The following USH2A variants were observed in gnomAD, a reference collection of about 807,000 sequenced individuals.
The protein encoded by USH2A is Usher syndrome 2A (autosomal recessive, mild).
Under a neutral mutation model 538.9 loss-of-function variants are expected in USH2A, and 443 were observed. The ratio of observed to expected loss-of-function variants is 0.82; its 90% CI spans 0.76 to 0.89. The LOEUF (loss-of-function observed/expected upper bound fraction) is 0.89. USH2A is among the 40% of genes least tolerant of loss of function. The pLI is 0.00. For synonymous variants in USH2A, 2,413 were observed against 2,273.5 expected (o/e 1.06, Z -1.75); for missense variants, 6,633 against 6,324.8 (o/e 1.05, Z -1.65).
rs1379049807 is a variant in USH2A at position 215,836,542 on chromosome 1, A to ATT, written c.9371+1448_9371+1449insAA. 8.4e-4 allele frequency among the ~76,000 whole-genome samples: 15 copies of ATT among 17,774 alleles called. 1 individual carries two copies. The East Asian group carries it at 0.12, about 137-fold the overall frequency. 11.7% of individuals were successfully genotyped at this position (17,774 alleles called of 152,430 possible). A position where few individuals can be genotyped will look rare whatever the true frequency, so the allele number is the denominator to read the frequency against. On this transcript the variant is annotated intron_variant, in intron 47 of 71. Coordinates refer to ENST00000307340, the MANE Select transcript of USH2A (RefSeq NM_206933.4). ...TAATATATATTATATATATATATAT[A>ATT]ATATATATATATATATATATATATT...
At chr1:216,251,442 C>CCTTT (rs1553321310) in intron 11 of USH2A, among the ~76,000 whole-genome samples, 1 of 80,338 alleles carries the variant, frequency 1.2e-5, no homozygotes. Context: ...ACCACTTCCC[C>CCTTT]TTTTTTTTTT....
intron 9 of USH2A, among the ~76,000 whole-genome samples, chr1:216,320,553 G>A (rs1384444470): frequency 6.6e-6 from 1 of 152,040 alleles, no homozygotes; most frequent in Non-Finnish European, 1.5e-5. Flanking sequence ...CAAAACTATT[G>A]TGTCAATTGG....
At chr1:216,418,245 A>C (rs2039609145) in intron 3 of USH2A, among the ~76,000 whole-genome samples, 1 of 152,038 alleles carries the variant, frequency 6.6e-6, no homozygotes, top group African/African-American at 2.4e-5. Flanking sequence ...AGAAAACAAA[A>C]ATTTTCTGAG....
intron 37 of USH2A, 69 bp downstream of exon 37, chr1:215,965,248 G>T: frequency 6.6e-7 from 1 of 1,518,790 alleles, no homozygotes; most frequent in East Asian, 2.3e-5. Flanking sequence ...TTAGCCAAAA[G>T]AAAGATTTTA....
At chr1:216,253,247 C>T (rs1342983343) in intron 11 of USH2A, among the ~76,000 whole-genome samples, 4 of 150,768 alleles carry the variant, frequency 2.7e-5, no homozygotes, top group South Asian at 4.2e-4. Context: ...GGTGCGATCT[C>T]GGCTCACTGC....
chr1:215,741,850 A>G (rs2102726110), intron 59 of USH2A, among the ~76,000 whole-genome samples: 1 of 152,348 alleles, frequency 6.6e-6, no homozygotes, highest in South Asian at 2.1e-4. Flanking sequence ...TTCTAACCAG[A>G]AAGTGATAAT....
intron 61 of USH2A, among the ~76,000 whole-genome samples, chr1:215,722,119 A>C (rs1302903853): frequency 2.0e-5 from 3 of 151,142 alleles, no homozygotes; most frequent in Admixed American, 6.6e-5. Context: ...GTTTTGTGTG[A>C]TATTTACTCA....
rs2032535448 is a variant in USH2A, at chr1:216,099,850, T to C, written c.4628-2637A>G. On this transcript the variant is annotated intron_variant, in intron 21 of 71. Coordinates refer to ENST00000307340, the MANE Select transcript of USH2A (RefSeq NM_206933.4). ...AGTTTTAGGCATACTGAACTTATGA[T>C]GCAGAAAACTCTGCCTGCCATTTGG... Among the ~76,000 whole-genome samples the C allele has an allele frequency of 2.0e-5, 3 of 152,182 alleles. No homozygotes were observed. The South Asian group carries it at 6.2e-4, about 31-fold the overall frequency.
chr1:215,721,906 A>G (rs779627959), intron 61 of USH2A, among the ~76,000 whole-genome samples: 2 of 152,048 alleles, frequency 1.3e-5, no homozygotes, highest in Admixed American at 6.5e-5. Context: ...TCTACAAAAA[A>G]TTTAAAAAAT....
At position 215,951,853 on chromosome 1, in the gene USH2A, A is replaced by ATTTTTAT. The variant is rs751037164; in HGVS notation, c.7120+13463_7120+13464insATAAAAA. Among the ~76,000 whole-genome samples the ATTTTTAT allele has an allele frequency of 9.3e-3, 1,394 of 149,572 alleles. 32 individuals are homozygous for ATTTTTAT. The highest frequency in any genetic ancestry group is 0.032 in the African/African-American group (1,313 of 40,578). ...TGATCTTTGTTGGTTTATTTTTTTT[A>ATTTTTAT]TTTTTTATTTTTTTTATTTTTTGAG... On this transcript the variant is annotated intron_variant, in intron 37 of 71. Transcript: ENST00000307340.
At chr1:215,668,892 T>C (rs1311875942) in intron 64 of USH2A, among the ~76,000 whole-genome samples, 1 of 152,042 alleles carries the variant, frequency 6.6e-6, no homozygotes, top group Non-Finnish European at 1.5e-5. Context: ...AACATTAGCC[T>C]GGTGTGGTGG....
At position 216,070,024 on chromosome 1, in the gene USH2A, T is replaced by C; in HGVS notation, c.6049+77A>G. The C allele has an allele frequency of 2.0e-6, 3 of 1,528,086 alleles. No homozygotes were observed. The Admixed American group carries it at 5.5e-5, about 28-fold the overall frequency. 94.7% of individuals were successfully genotyped at this position (1,528,086 alleles called of 1,614,324 possible). Reference sequence around the variant, plus strand: ...ATTTAATACATTTTTCTAAAAAACATTTGCAGAAGATTTTTATTTAAAATG... The same window carrying C: ...ATTTAATACATTTTTCTAAAAAACACTTGCAGAAGATTTTTATTTAAAATG... On this transcript the variant is annotated intron_variant, in intron 30 of 71. Coordinates refer to ENST00000307340, the MANE Select transcript of USH2A (RefSeq NM_206933.4).
In USH2A at chr1:215,888,840, G is replaced by T; in HGVS notation, c.7809C>A (p.Cys2603Ter). Reference protein sequence around the residue: ...YTAYKFQVEACTSKGCSLSPE... With the variant: ...YTAYKFQVEA Reference sequence around the variant, plus strand: ...GTGAAAGGGAACATCCTTTTGAAGTGCAGGCTTCTACCTGAAACTTATAGG... The same window carrying T: ...GTGAAAGGGAACATCCTTTTGAAGTTCAGGCTTCTACCTGAAACTTATAGG... The change falls in exon 41 of 72, where the codon TGC (cysteine) becomes TGA (stop). Residue 2603 changes from cysteine (C) to a stop codon, truncating the protein, a stop_gained. Coordinates refer to ENST00000307340, the MANE Select transcript of USH2A (RefSeq NM_206933.4). LOFTEE classifies it high-confidence loss of function. 2 of 1,614,142 alleles carry T rather than the reference G, an allele frequency of 1.2e-6. No individual in the cohort carries two copies. Among genetic ancestry groups the T allele is most frequent in the Admixed American group, 1.7e-5 (1 of 60,024 alleles).
intron 30 of USH2A, among the ~76,000 whole-genome samples, chr1:216,052,491 G>A (rs1463703843): frequency 6.6e-6 from 1 of 152,104 alleles, no homozygotes; most frequent in Non-Finnish European, 1.5e-5. Context: ...CATTTTCTAA[G>A]GCTGGAGTGC....
intron 32 of USH2A, among the ~76,000 whole-genome samples, chr1:216,037,654 A>T (rs1321402564): frequency 6.6e-6 from 1 of 152,020 alleles, no homozygotes; most frequent in Non-Finnish European, 1.5e-5. Flanking sequence ...CAGTTTTGGC[A>T]CCCACTAAGT....
chr1:215,893,841 T>C lies in USH2A; in HGVS notation c.7595-4787A>G, dbSNP rs531906245. ...ATCCATCCTTTCAAAGGATTCCGTATTGGTCATTTTTGGCTTGAATAAGTT... is the reference window on the plus strand; with the variant it reads ...ATCCATCCTTTCAAAGGATTCCGTACTGGTCATTTTTGGCTTGAATAAGTT... On this transcript the variant is annotated intron_variant, in intron 40 of 71. Transcript: ENST00000307340. Among the ~76,000 whole-genome samples, 6 of 152,314 alleles carry C rather than the reference T, an allele frequency of 3.9e-5. No individual in the cohort carries two copies. The East Asian group carries it at 1.2e-3, about 29-fold the overall frequency.
rs76096116 is a variant in USH2A at position 216,036,508 on chromosome 1, A to C, written c.6325+9923T>G. ...ACGAATTAGACTCAAATATGTGTAA[A>C]ATATTTGTTGTTATTATCTTTCCAA... On this transcript the variant is annotated intron_variant, in intron 32 of 71. Coordinates refer to ENST00000307340, the MANE Select transcript of USH2A (RefSeq NM_206933.4). Among the ~76,000 whole-genome samples the C allele has an allele frequency of 7.4e-4, 113 of 152,250 alleles. 1 individual carries two copies. In the East Asian group the frequency reaches 0.021, roughly 29 times the overall value.
At chr1:216,260,692 C>G (rs541821036) in intron 11 of USH2A, among the ~76,000 whole-genome samples, 8 of 152,106 alleles carry the variant, frequency 5.3e-5, no homozygotes, top group Non-Finnish European at 7.4e-5. Context: ...CCAAACTAAT[C>G]CTACTCCACA....
At chr1:215,757,414 A>G (rs1660845408) in intron 58 of USH2A, among the ~76,000 whole-genome samples, 4 of 152,212 alleles carry the variant, frequency 2.6e-5, no homozygotes, top group Admixed American at 1.3e-4. Flanking sequence ...GTTCAATTCA[A>G]TAAAAATAGG....
Sources: allele counts gnomAD v4.1 joint callset (sites outside exome capture counted in the v4.1 genomes callset), GRCh38; gene constraint gnomAD v4.1.1; transcripts MANE v1.5; gene names NCBI Gene and HGNC (gene_info 2026-07-23, HGNC 2026-07-21).